The following DPP10 variants were observed in gnomAD, a reference collection of about 807,000 sequenced individuals.
The protein encoded by DPP10 is dipeptidyl peptidase like 10.
In DPP10, 33 loss-of-function variants were observed where a neutral mutation model predicts 120.9. The observed-to-expected ratio is 0.27, with a 90% CI of 0.21 to 0.37. The LOEUF (loss-of-function observed/expected upper bound fraction) is 0.37. DPP10 is among the 10% of genes least tolerant of loss of function. DPP10 has a pLI of 1.00. For synonymous variants in DPP10, 337 were observed against 326.1 expected, an observed-to-expected ratio of 1.03 and a Z score of -0.36; for missense variants, 816 against 942.8, an observed-to-expected ratio of 0.87 and a Z score of 1.76.
chr2:115,031,359 C>T (rs939059911), intron 1 of DPP10, among the ~76,000 whole-genome samples: 2 of 152,058 alleles, frequency 1.3e-5, no homozygotes, highest in African/African-American at 2.4e-5. Flanking sequence ...TGAGTTTTAC[C>T]GGATGTCTAC....
chr2:114,671,153 T>C (rs1206337468), intron 1 of DPP10, among the ~76,000 whole-genome samples: 2 of 152,128 alleles, frequency 1.3e-5, no homozygotes, highest in African/African-American at 4.8e-5. Flanking sequence ...AAAATAACTT[T>C]CAGTTGGGAA....
At chr2:115,124,177 A>C (rs1559121932) in intron 1 of DPP10, among the ~76,000 whole-genome samples, 1 of 152,096 alleles carries the variant, frequency 6.6e-6, no homozygotes, top group Non-Finnish European at 1.5e-5. Flanking sequence ...TCCTAGACTC[A>C]AGCGATCCTC....
At chr2:115,134,900 G>C (rs1386356319) in intron 1 of DPP10, among the ~76,000 whole-genome samples, 2 of 152,134 alleles carry the variant, frequency 1.3e-5, no homozygotes, top group Non-Finnish European at 2.9e-5. Context: ...ATTTCTGGGA[G>C]AGAATCAGCA....
At chr2:115,198,038 A>G (rs79240348) in intron 1 of DPP10, among the ~76,000 whole-genome samples, 9,580 of 152,226 alleles carry the variant, frequency 0.063, 339 homozygotes, top group Middle Eastern at 0.11. Context: ...GACTTAGAGC[A>G]TTGCCTCTCA....
At chr2:115,024,416 C>T (rs539941381) in intron 1 of DPP10, among the ~76,000 whole-genome samples, 1 of 151,886 alleles carries the variant, frequency 6.6e-6, no homozygotes, top group South Asian at 2.1e-4. Context: ...TTTAATGATT[C>T]CAATTTATCT....
intron 21 of DPP10, among the ~76,000 whole-genome samples, chr2:115,834,096 T>C (rs1350180513): frequency 1.3e-5 from 2 of 152,202 alleles, no homozygotes; most frequent in African/African-American, 4.8e-5. Flanking sequence ...CTTCAGTTAC[T>C]AATCGTTAAA....
At chr2:114,695,926 C>T (rs1203602211) in intron 1 of DPP10, among the ~76,000 whole-genome samples, 1 of 151,862 alleles carries the variant, frequency 6.6e-6, no homozygotes, top group East Asian at 1.9e-4. Flanking sequence ...TTTAATATTA[C>T]CATATTACAA....
chr2:115,084,434 A>C (rs1708526735), intron 1 of DPP10, among the ~76,000 whole-genome samples: 1 of 152,214 alleles, frequency 6.6e-6, no homozygotes, highest in Admixed American at 6.5e-5. Flanking sequence ...GAAACGTCCA[A>C]GGTGTCCTAC....
chr2:114,942,845 A>G (rs989418493), intron 1 of DPP10, among the ~76,000 whole-genome samples: 6 of 152,180 alleles, frequency 3.9e-5, no homozygotes, highest in African/African-American at 1.4e-4. Context: ...TTAGGAAGAT[A>G]ACTGAATTAG....
At chr2:115,828,696 T>G (rs1171645586) in intron 21 of DPP10, among the ~76,000 whole-genome samples, 2 of 152,158 alleles carry the variant, frequency 1.3e-5, no homozygotes, top group African/African-American at 4.8e-5. Context: ...CATCAGTCAA[T>G]GTCCAATGTC....
chr2:114,771,212 C>A (rs552666652), intron 1 of DPP10, among the ~76,000 whole-genome samples: 1 of 152,314 alleles, frequency 6.6e-6, no homozygotes, highest in East Asian at 1.9e-4. Flanking sequence ...AAGCTGACAA[C>A]TTGCTACATT....
At chr2:115,538,092 C>T (rs1449769164) in intron 5 of DPP10, among the ~76,000 whole-genome samples, 3 of 151,962 alleles carry the variant, frequency 2.0e-5, no homozygotes, top group African/African-American at 4.8e-5. Flanking sequence ...GTCACACAGG[C>T]ACAGCTGTGA....
intron 5 of DPP10, among the ~76,000 whole-genome samples, chr2:115,615,753 A>G (rs558501715): frequency 6.6e-6 from 1 of 152,294 alleles, no homozygotes; most frequent in South Asian, 2.1e-4. Flanking sequence ...GAAAAATGGA[A>G]GACTCAATTA....
chr2:115,257,098 C>A (rs532485708), intron 1 of DPP10, among the ~76,000 whole-genome samples: 1 of 152,206 alleles, frequency 6.6e-6, no homozygotes, highest in Non-Finnish European at 1.5e-5. Context: ...CATGTCATAT[C>A]AGCATTTTGG....
intron 1 of DPP10, among the ~76,000 whole-genome samples, chr2:114,926,579 C>T (rs1695637990): frequency 6.6e-6 from 1 of 152,202 alleles, no homozygotes; most frequent in South Asian, 2.1e-4. Context: ...AAAATACTAA[C>T]TGCCTGCTGT....
chr2:115,703,760 A>G (rs1461376021), intron 7 of DPP10, among the ~76,000 whole-genome samples: 1 of 152,074 alleles, frequency 6.6e-6, no homozygotes, highest in African/African-American at 2.4e-5. Flanking sequence ...TTTACCAAAC[A>G]AATGGGCACT....
rs3068805 is a variant in DPP10, at chr2:115,308,693, G to GTTT, written c.61-526_61-524dup. ...CATTTAATTTAGTTAACTAAATCCT[G>GTTT]TTTTTTTTTTTTTTTTTTTTTTATG... On this transcript the variant is annotated intron_variant, in intron 1 of 25. Coordinates refer to ENST00000410059, the MANE Select transcript of DPP10 (RefSeq NM_020868.6). Among the ~76,000 whole-genome samples the GTTT allele has an allele frequency of 3.1e-3, 395 of 126,608 alleles. 1 individual carries two copies. The highest frequency in any genetic ancestry group is 0.01 in the African/African-American group (345 of 34,268). 83.1% of individuals were successfully genotyped at this position (126,608 alleles called of 152,430 possible). A position where few individuals can be genotyped will look rare whatever the true frequency, so the allele number is the denominator to read the frequency against.
chr2:114,464,070 G>A (rs112432128), intron 1 of DPP10, among the ~76,000 whole-genome samples: 1 of 152,154 alleles, frequency 6.6e-6, no homozygotes, highest in African/African-American at 2.4e-5. Flanking sequence ...TTCAGTTTTG[G>A]GTGATTATAA....
chr2:115,160,846 G>C (rs2052258017), intron 1 of DPP10, among the ~76,000 whole-genome samples: 1 of 152,052 alleles, frequency 6.6e-6, no homozygotes, highest in Non-Finnish European at 1.5e-5. Context: ...CCTGCAGCCA[G>C]GGGATTTGGT....
Sources: gnomAD v4.1 joint callset for allele counts (sites outside exome capture counted in the v4.1 genomes callset) on GRCh38, gnomAD v4.1.1 for gene constraint, MANE v1.5 for transcripts, NCBI Gene and HGNC (gene_info 2026-07-23, HGNC 2026-07-21) for gene names.